Variants in NELFCD observed in about 807,000 individuals in gnomAD.
NELFCD encodes the protein negative elongation factor C/D.
Under a neutral mutation model 72.9 loss-of-function variants are expected in NELFCD, and 48 were observed. The ratio of observed to expected loss-of-function variants is 0.66; its 90% confidence interval spans 0.52 to 0.84. NELFCD has a LOEUF of 0.84. Among genes scored for constraint, NELFCD ranks in the 40% least tolerant of loss-of-function variants. NELFCD has a pLI of 0.00. For missense variants in NELFCD, 538 were observed against 723.8 expected, an observed-to-expected ratio of 0.74 and a Z score of 2.94; for synonymous variants, 297 against 280.6, an observed-to-expected ratio of 1.06 and a Z score of -0.59.
chr20:58,990,809 G>A lies in NELFCD; in HGVS notation c.789-101G>A. 1.8e-6 allele frequency: 2 copies of A among 1,102,744 alleles called. 1 individual carries two copies. The highest frequency in any genetic ancestry group is 3.1e-5 in the South Asian group (2 of 65,234). The allele number at this position is 1,102,744 out of a possible 1,614,324, so 68.3% of individuals were successfully genotyped here. A position where few individuals can be genotyped will look rare whatever the true frequency, so the allele number is the denominator to read the frequency against. On this transcript the variant is annotated intron_variant, in intron 7 of 14. Transcript: ENST00000652272. ...TCAGTCAGTATACTCGTGAATGACA[G>A]AAAAACAGATCCCAACAATGCAAAG... is the stretch of plus-strand genomic sequence containing the variant.
intron 7 of NELFCD, 178 bp from the exon 8 acceptor site, chr20:58,990,732 G>A: frequency 1.8e-6 from 1 of 567,774 alleles, no homozygotes; most frequent in Non-Finnish European, 3.1e-6. Context: ...TATAGAGCCA[G>A]CAAGCTGTAT....
chr20:58,993,864 C>A lies in NELFCD; in HGVS notation c.1581+100C>A. 1 of 1,365,846 alleles carries A rather than the reference C, an allele frequency of 7.3e-7. No individual in the cohort carries two copies. Among genetic ancestry groups the A allele is most frequent in the Non-Finnish European group, 1.0e-6 (1 of 983,422 alleles). 84.6% of individuals were successfully genotyped at this position (1,365,846 alleles called of 1,614,324 possible). ...ATTTTGTACCTAACTGAGAACTGTG[C>A]TTTCTGATGTAGTGATGACAATGAC... is the stretch of plus-strand genomic sequence containing the variant. On this transcript the variant is annotated intron_variant, in intron 13 of 14. Coordinates refer to ENST00000652272, the MANE Select transcript of NELFCD (RefSeq NM_198976.4). The surrounding 1 kb of genome is among the most constrained non-coding windows in gnomAD (Gnocchi z 5.0).
intron 3 of NELFCD, chr20:58,987,097 T>A: frequency 2.0e-6 from 1 of 488,016 alleles, no homozygotes; most frequent in East Asian, 3.8e-5. Flanking sequence ...CAAACGTGAT[T>A]CTCATTGAGC....
chr20:58,987,039 G>A, intron 3 of NELFCD, 176 bp downstream of exon 3: 1 of 542,420 alleles, frequency 1.8e-6, no homozygotes. Flanking sequence ...ATTTGTATCT[G>A]CTTGCCTCTT....
At chr20:58,987,420 C>G in intron 3 of NELFCD, 2 of 397,186 alleles carry the variant, frequency 5.0e-6, no homozygotes, top group Non-Finnish European at 9.0e-6. Context: ...TTCCATCCCC[C>G]TACCTGTTGC....
chr20:58,992,346 C>G lies in NELFCD; in HGVS notation c.1229+326C>G, dbSNP rs115789736. Among the ~76,000 whole-genome samples the G allele has an allele frequency of 7.6e-3, 1,157 of 152,184 alleles. 19 individuals are homozygous for G. Among genetic ancestry groups the G allele is most frequent in the African/African-American group, 0.027 (1,114 of 41,508 alleles). ...TACATAGAAATGATTTGTGATTATG[C>G]CAATCATATAAATAGACGTGTCCTA... On this transcript the variant is annotated intron_variant, in intron 10 of 14. Coordinates refer to ENST00000652272, the MANE Select transcript of NELFCD (RefSeq NM_198976.4).
chr20:58,982,550 T>TA (rs1184151170), intron 1 of NELFCD, among the ~76,000 whole-genome samples: 6 of 152,224 alleles, frequency 3.9e-5, no homozygotes, highest in African/African-American at 1.4e-4. Context: ...AAGTGGGGCT[T>TA]ACGTTGATAA....
intron 1 of NELFCD, 130 bp downstream of exon 1, chr20:58,981,499 C>A (rs1283314357): frequency 8.8e-6 from 2 of 226,726 alleles, no homozygotes; most frequent in Non-Finnish European, 1.5e-5. Context: ...GCGCACGGCC[C>A]GCGCGGTCAC....
In NELFCD at chr20:58,993,735, A is replaced by G; in HGVS notation, c.1552A>G (p.Ile518Val). The change falls in exon 13 of 15, where the codon ATT becomes GTT. Residue 518 changes from isoleucine to valine, a missense_variant. Coordinates refer to ENST00000652272, the MANE Select transcript of NELFCD (RefSeq NM_198976.4). This position sits in a 1 kb window ranked among gnomAD's most constrained non-coding sequence, Gnocchi z 5.0. ...RKCLEKLDTDISLIRYFVTEV... is the reference protein window; with the variant it reads ...RKCLEKLDTDVSLIRYFVTEV... Reference sequence around the variant, plus strand: ...GTGTCTGGAGAAGCTGGACACTGACATTTCACTCATTCGCTATTTTGTCAC... The same window carrying G: ...GTGTCTGGAGAAGCTGGACACTGACGTTTCACTCATTCGCTATTTTGTCAC... 6.2e-7 allele frequency: 1 copy of G among 1,614,164 alleles called. No individual in the cohort carries two copies. The highest frequency in any genetic ancestry group is 1.1e-5 in the South Asian group (1 of 91,090).
intron 1 of NELFCD, among the ~76,000 whole-genome samples, chr20:58,985,348 T>C (rs1440961379): frequency 4.6e-5 from 7 of 152,226 alleles, no homozygotes; most frequent in Non-Finnish European, 7.3e-5. Context: ...TACATTTTCT[T>C]AGGTTCCTTG....
chr20:58,989,134 TG>T (rs2091794444), intron 5 of NELFCD, 113 bp downstream of exon 5: 1 of 766,668 alleles, frequency 1.3e-6, no homozygotes, highest in Admixed American at 2.5e-5. Context: ...AGGTCTTTAT[TG>T]TTTTATTTTC....
At chr20:58,991,269 C>T (rs2091814498) in intron 8 of NELFCD, 43 bp from the exon 9 acceptor site, 1 of 1,612,786 alleles carries the variant, frequency 6.2e-7, no homozygotes, top group Non-Finnish European at 8.5e-7. Flanking sequence ...TGAGCAGTGC[C>T]CTCACGCCTG....
chr20:58,994,635 G>C lies in NELFCD; in HGVS notation c.1712-7G>C. On this transcript the variant is annotated splice_region_variant and splice_polypyrimidine_tract_variant and intron_variant, in intron 14 of 14. Transcript: ENST00000652272. ...TTCTAACACAGTCACTGTTTTCCTC[G>C]TTAAAGCTCACTGCAAATCTAACTT... 1 of 1,604,112 alleles carries C rather than the reference G, an allele frequency of 6.2e-7. No individual in the cohort carries two copies. The highest frequency in any genetic ancestry group is 1.3e-5 in the African/African-American group (1 of 74,468).
rs1165404350 is a variant in NELFCD, at chr20:58,993,554, GC to G, written c.1440+13del. 7 of 1,614,106 alleles carry G rather than the reference GC, an allele frequency of 4.3e-6. No individual in the cohort carries two copies. Among genetic ancestry groups the G allele is most frequent in the Non-Finnish European group, 5.9e-6 (7 of 1,180,044 alleles). On this transcript the variant is annotated intron_variant, in intron 12 of 14. Coordinates refer to ENST00000652272, the MANE Select transcript of NELFCD (RefSeq NM_198976.4). The surrounding 1 kb of genome is among the most constrained non-coding windows in gnomAD (Gnocchi z 5.0). ...GGACGTGATGGAGCAGGTGAGCAGTGCCCGTGGGGCTTGCCAGAGGGCTGAG... is the reference window on the plus strand; with the variant it reads ...GGACGTGATGGAGCAGGTGAGCAGTGCCGTGGGGCTTGCCAGAGGGCTGAG...
chr20:58,989,583 A>G lies in NELFCD; in HGVS notation c.600A>G (p.Leu200=). The change falls in exon 6 of 15, where the codon CTA becomes CTG. Residue 200 remains leucine, a synonymous_variant. Transcript: ENST00000652272. ...TCTCGAGAGTGCTCCGGACCTCTCT[A>G]GCTACAATTTTAGATGGAGGAGAAG... ...EVFSRVLRTS[L]ATILDGGEEN... 6.2e-7 allele frequency: 1 copy of G among 1,614,158 alleles called. No homozygotes were observed. The highest frequency in any genetic ancestry group is 1.7e-5 in the Admixed American group (1 of 60,020).
At chr20:58,981,399 G>A (rs751783827) in intron 1 of NELFCD, 30 bp downstream of exon 1, 29 of 1,005,708 alleles carry the variant, frequency 2.9e-5, no homozygotes, top group African/African-American at 5.2e-5. Flanking sequence ...GCACCCTAGA[G>A]AGAATCGTTC....
At chr20:58,985,929 C>T (rs936187731) in intron 1 of NELFCD, among the ~76,000 whole-genome samples, 164 bp from the exon 2 acceptor site, 2 of 152,148 alleles carry the variant, frequency 1.3e-5, no homozygotes, top group Admixed American at 6.5e-5. Flanking sequence ...ATTTTCCTAG[C>T]CACTCACTAT....
rs1475110961 is a variant in NELFCD at position 58,994,235 on chromosome 20, T to C, written c.1707T>C (p.Phe569=). 4 of 1,614,096 alleles carry C rather than the reference T, an allele frequency of 2.5e-6. No homozygotes were observed. Among genetic ancestry groups the C allele is most frequent in the Admixed American group, 1.7e-5 (1 of 60,022 alleles). Residue 569 remains phenylalanine, a synonymous_variant, in exon 14 of 15, where the codon TTT becomes TTC. Transcript: ENST00000652272. ...TEGEHDPVTE[F]IAHCKSNFIM... is the part of the protein sequence containing the mutation. ...GCGAGCATGACCCTGTGACGGAGTT[T>C]ATAGGTGAGGCCGACTGCCTAGCCC...
At position 58,994,145 on chromosome 20, in the gene NELFCD, C is replaced by A. The variant is rs1569060657; in HGVS notation, c.1617C>A (p.Asp539Glu). ...TCATTGCTCCTCCTTATACCTCTGA[C>A]TTCGTGCAACTTTTCCTCCCCATCC... is the stretch of plus-strand genomic sequence containing the variant. Reference protein sequence around the residue: ...LDVIAPPYTSDFVQLFLPILE... With the variant: ...LDVIAPPYTSEFVQLFLPILE... The change falls in exon 14 of 15, where the codon GAC (aspartate) becomes GAA (glutamate). Residue 539 changes from aspartate (D) to glutamate (E), a missense_variant. By Grantham distance (45) the Asp-to-Glu change is conservative. Around this residue, in one of 3 missense-constraint regions of NELFCD, gnomAD observed 136 missense variants for 154.0 expected, o/e 0.88. Coordinates refer to ENST00000652272, the MANE Select transcript of NELFCD (RefSeq NM_198976.4). 2 of 1,614,212 alleles carry A rather than the reference C, an allele frequency of 1.2e-6. No individual in the cohort carries two copies. Among genetic ancestry groups the A allele is most frequent in the East Asian group, 4.5e-5 (2 of 44,882 alleles).
Sources: gnomAD v4.1 joint callset for allele counts (sites outside exome capture counted in the v4.1 genomes callset) on GRCh38, gnomAD v4.1.1 for gene constraint, gnomAD v4.1.1 regional missense constraint, Gnocchi (gnomAD v3.1) non-coding constraint, MANE v1.5 for transcripts, NCBI Gene and HGNC (gene_info 2026-07-23, HGNC 2026-07-21) for gene names.